PBRM1: variants seen among roughly 807,000 people sequenced by gnomAD.
PBRM1 encodes the protein polybromo 1.
A neutral mutation model predicts 194.5 loss-of-function variants in PBRM1; 27 were observed. The ratio of observed to expected loss-of-function variants is 0.14; its 90% CI spans 0.10 to 0.19. The LOEUF (loss-of-function observed/expected upper bound fraction) is 0.19, where lower values mean the gene tolerates loss of function less well. Among genes scored for constraint, PBRM1 ranks in the 10% least tolerant of loss-of-function variants. PBRM1 has a pLI of 1.00. For synonymous variants in PBRM1, 655 were observed against 693.2 expected (o/e 0.94, Z 0.87); for missense variants, 1,466 against 2,077.2 (o/e 0.71, Z 5.72).
chr3:52,563,998 T>G, intron 23 of PBRM1, 52 bp downstream of exon 25: 1 of 1,173,006 alleles, frequency 8.5e-7, no homozygotes, highest in Non-Finnish European at 1.3e-6. Context: ...TACACTATGT[T>G]GCTATCAGTT....
Position 52,636,814 on chromosome 3 carries a change from T to TCA in PBRM1, c.1088-2001_1088-2000dup, listed in dbSNP as rs1282606532. ...ATTTAATTAGGCCAGGCGCAGTGACTCACACTTGTAATCCTGCCTGGGCGA... is the reference window on the plus strand; with the variant it reads ...ATTTAATTAGGCCAGGCGCAGTGACTCACACACTTGTAATCCTGCCTGGGCGA... On this transcript the variant is annotated intron_variant, in intron 10 of 29. Transcript: ENST00000296302. Among the ~76,000 whole-genome samples, 15 of 115,776 alleles carry TCA rather than the reference T, an allele frequency of 1.3e-4. No individual in the cohort carries two copies. In the Admixed American group the frequency reaches 1.3e-3, roughly 10 times the overall value. The allele number at this position is 115,776 out of a possible 152,430, so 76.0% of individuals were successfully genotyped here. A position where few individuals can be genotyped will look rare whatever the true frequency, so the allele number is the denominator to read the frequency against.
intron 13 of PBRM1, 37 bp from the exon 15 acceptor site, chr3:52,624,978 A>C: frequency 2.1e-6 from 3 of 1,462,648 alleles, no homozygotes; most frequent in Non-Finnish European, 2.8e-6. Context: ...TGTAAAGAGA[A>C]ACAAAACAAG....
At chr3:52,608,163 C>T (rs559064367) in intron 16 of PBRM1, among the ~76,000 whole-genome samples, 2 of 152,276 alleles carry the variant, frequency 1.3e-5, no homozygotes, top group South Asian at 4.1e-4. Context: ...AGACTTCAAG[C>T]TTTTAGAGCA....
intron 1 of PBRM1, among the ~76,000 whole-genome samples, chr3:52,685,190 CTTA>C (rs749112075): frequency 7.2e-5 from 11 of 152,212 alleles, no homozygotes; most frequent in Admixed American, 1.3e-4. Flanking sequence ...TAAATTAAAA[CTTA>C]TTATAATAAC....
chr3:52,635,551 T>C (rs533950564), intron 10 of PBRM1, among the ~76,000 whole-genome samples: 11 of 152,050 alleles, frequency 7.2e-5, no homozygotes, highest in African/African-American at 2.4e-4. Context: ...GGGTGACGGA[T>C]GAAGACTCCA....
At chr3:52,638,146 G>A (rs553348538) in intron 10 of PBRM1, among the ~76,000 whole-genome samples, 84 of 152,116 alleles carry the variant, frequency 5.5e-4, no homozygotes, top group Non-Finnish European at 1.1e-3. Context: ...AAATCCAACT[G>A]TGTCCTTATA....
intron 10 of PBRM1, among the ~76,000 whole-genome samples, chr3:52,635,307 C>T (rs922134313): frequency 6.6e-6 from 1 of 152,160 alleles, no homozygotes; most frequent in Admixed American, 6.5e-5. Context: ...TGGCTCACGC[C>T]TGTAATCCCA....
At chr3:52,629,227 C>G (rs953391356) in intron 11 of PBRM1, among the ~76,000 whole-genome samples, 192 bp from the exon 13 acceptor site, 3 of 152,140 alleles carry the variant, frequency 2.0e-5, no homozygotes, top group Non-Finnish European at 4.4e-5. Context: ...GGTAATATGA[C>G]AGTTTACTTG....
At chr3:52,558,158 G>T in intron 26 of PBRM1, 91 bp downstream of exon 28, 2 of 884,294 alleles carry the variant, frequency 2.3e-6, no homozygotes, top group Non-Finnish European at 3.4e-6. Context: ...ATGAGAAAAG[G>T]CAATAGACTG....
intron 26 of PBRM1, 36 bp downstream of exon 28, chr3:52,558,213 A>G (rs1310377160): frequency 2.8e-6 from 4 of 1,441,260 alleles, no homozygotes; most frequent in South Asian, 2.8e-5. Flanking sequence ...GGAATTTCTT[A>G]AAGTGGAAAA....
At chr3:52,656,524 G>A (rs1312926477) in intron 5 of PBRM1, among the ~76,000 whole-genome samples, 2 of 151,822 alleles carry the variant, frequency 1.3e-5, no homozygotes, top group African/African-American at 2.4e-5. Flanking sequence ...AATTAGCCAG[G>A]TGTGGTGGTG....
At chr3:52,547,409 T>A (rs1006084857), downstream of PBRM1, 4 of 233,152 alleles carry the variant, frequency 1.7e-5, no homozygotes, top group Non-Finnish European at 3.4e-5. Flanking sequence ...CAGCACTGAT[T>A]ACATATTTCT....
chr3:52,550,795 G>C, exon 28 of PBRM1: 1 of 1,611,286 alleles, frequency 6.2e-7, no homozygotes, highest in Non-Finnish European at 8.5e-7. Flanking sequence ...CTACCATAGG[G>C]GCCACTCCTT....
At chr3:52,604,281 T>G (rs1299762008) in intron 16 of PBRM1, among the ~76,000 whole-genome samples, 1 of 152,232 alleles carries the variant, frequency 6.6e-6, no homozygotes, top group African/African-American at 2.4e-5. Context: ...TCAGAGTTAA[T>G]GTTCATTTTA....
At chr3:52,554,817 TAAC>T in exon 27 of PBRM1, 1 of 1,598,620 alleles carries the variant, frequency 6.3e-7, no homozygotes, top group African/African-American at 1.3e-5. Context: ...CTGCCCATGC[TAAC>T]AAGGCCATCA....
At chr3:52,684,449 GCAATA>G (rs757401961), upstream of PBRM1, among the ~76,000 whole-genome samples, 2 of 151,856 alleles carry the variant, frequency 1.3e-5, no homozygotes, top group Admixed American at 6.6e-5. Context: ...GTAATATTTA[GCAATA>G]CAATACATGT....
chr3:52,602,900 G>T (rs2094106398), intron 17 of PBRM1, among the ~76,000 whole-genome samples: 1 of 152,178 alleles, frequency 6.6e-6, no homozygotes, highest in African/African-American at 2.4e-5. Flanking sequence ...CTACGGAGGA[G>T]ATTTGATGCC....
intron 4 of PBRM1, among the ~76,000 whole-genome samples, chr3:52,660,028 T>C (rs765804361): frequency 2.7e-4 from 41 of 152,088 alleles, no homozygotes; most frequent in Non-Finnish European, 4.3e-4. Flanking sequence ...GAGGTGGAGG[T>C]TGCAGTGAGC....
chr3:52,621,858 C>T (rs1180979111), intron 13 of PBRM1, among the ~76,000 whole-genome samples: 4 of 152,110 alleles, frequency 2.6e-5, no homozygotes, highest in Non-Finnish European at 4.4e-5. Context: ...TCGAGACCAG[C>T]CTGGGCAATA....
Sources: allele counts gnomAD v4.1 joint callset (sites outside exome capture counted in the v4.1 genomes callset), GRCh38; gene constraint gnomAD v4.1.1; transcripts MANE v1.5; gene names NCBI Gene and HGNC (gene_info 2026-07-23, HGNC 2026-07-21).